C2CD5: variants seen among roughly 807,000 people sequenced by gnomAD.
C2CD5 encodes C2 calcium dependent domain containing 5, also known as C2 domain-containing protein 5.
Under a neutral mutation model 130.3 loss-of-function variants are expected in C2CD5, and 109 were observed. The ratio of observed to expected loss-of-function variants is 0.84; its 90% CI spans 0.72 to 0.98. C2CD5 has a LOEUF of 0.98. C2CD5 is among the 50% of genes least tolerant of loss of function. The pLI, the probability that C2CD5 is intolerant of heterozygous loss-of-function variation, is 0.00. For synonymous variants in C2CD5, 454 were observed against 429.2 expected (o/e 1.06, Z -0.71); for missense variants, 996 against 1,261.8 (o/e 0.79, Z 3.19).
At chr12:22,482,022 A>T (rs1354911585) in intron 14 of C2CD5, among the ~76,000 whole-genome samples, 2 of 152,050 alleles carry the variant, frequency 1.3e-5, no homozygotes, top group Non-Finnish European at 2.9e-5. Context: ...AGTGTCTCAC[A>T]TGTTTTGCTT....
intron 14 of C2CD5, 30 bp from the exon 15 acceptor site, chr12:22,478,507 A>G (rs1944207887): frequency 1.9e-6 from 3 of 1,581,506 alleles, no homozygotes; most frequent in African/African-American, 1.4e-5. Context: ...AAATAATCAG[A>G]AAAAATATCT....
intron 3 of C2CD5, among the ~76,000 whole-genome samples, chr12:22,532,905 G>T (rs1305729992): frequency 6.6e-6 from 1 of 152,192 alleles, no homozygotes; most frequent in Non-Finnish European, 1.5e-5. Flanking sequence ...AATAGCAGGG[G>T]AAGAAAAACC....
intron 3 of C2CD5, among the ~76,000 whole-genome samples, chr12:22,530,111 TACACAC>T (rs199603129): frequency 0.029 from 2,534 of 87,254 alleles, 43 homozygotes; most frequent in Non-Finnish European, 0.037. Flanking sequence ...TATATATATA[TACACAC>T]ACACACACAC....
At chr12:22,530,076 C>CTATATATATATATATATA (rs918605281) in intron 3 of C2CD5, among the ~76,000 whole-genome samples, 1 of 77,294 alleles carries the variant, frequency 1.3e-5, no homozygotes, top group Non-Finnish European at 2.5e-5. Context: ...TATTTGAGTG[C>CTATATATATATATATATA]TATATATATA....
At chr12:22,461,189 G>A (rs1472667708) in intron 22 of C2CD5, among the ~76,000 whole-genome samples, 1 of 152,190 alleles carries the variant, frequency 6.6e-6, no homozygotes, top group Non-Finnish European at 1.5e-5. Context: ...GAGAGACTGG[G>A]ACACCAACTG....
At chr12:22,478,629 TGA>T (rs1264087585) in intron 14 of C2CD5, 152 bp from the exon 15 acceptor site, 1 of 621,346 alleles carries the variant, frequency 1.6e-6, no homozygotes, top group African/African-American at 1.9e-5. Context: ...GCAGATCACT[TGA>T]GGTCAGGAGT....
chr12:22,526,020 T>C (rs1950685683), intron 4 of C2CD5, among the ~76,000 whole-genome samples: 1 of 152,222 alleles, frequency 6.6e-6, no homozygotes. Flanking sequence ...GTTGATTAGA[T>C]ATATTAAATG....
At chr12:22,474,352 A>C (rs866703549) in intron 16 of C2CD5, among the ~76,000 whole-genome samples, 1 of 141,260 alleles carries the variant, frequency 7.1e-6, no homozygotes, top group African/African-American at 3.2e-5. Flanking sequence ...GTAAGAAAAT[A>C]CTACACTCAG....
intron 7 of C2CD5, among the ~76,000 whole-genome samples, chr12:22,520,717 G>A (rs1010012717): frequency 3.9e-5 from 6 of 151,982 alleles, no homozygotes; most frequent in African/African-American, 9.7e-5. Context: ...AATTTGTCTC[G>A]TAGTACTTTT....
At chr12:22,493,462 T>G (rs1946617687) in intron 10 of C2CD5, 125 bp from the exon 11 acceptor site, 1 of 536,140 alleles carries the variant, frequency 1.9e-6, no homozygotes, top group Non-Finnish European at 3.3e-6. Flanking sequence ...TTTTTAAACT[T>G]CCCATCTTTA....
Position 22,453,991 on chromosome 12 carries a change from TTGCAAACACTTC to T in C2CD5, c.2917_2928del (p.Glu973_Ala976del). 6.2e-7 allele frequency: 1 copy of T among 1,613,712 alleles called. No individual in the cohort carries two copies. The highest frequency in any genetic ancestry group is 2.2e-5 in the East Asian group (1 of 44,834). On this transcript the variant is annotated inframe_deletion, in exon 26 of 27. Coordinates refer to ENST00000446597, the MANE Select transcript of C2CD5 (RefSeq NM_001286176.2). ...AATGCAGCAACATGAGCTCTCACCA[TTGCAAACACTTC>T]AGCAATAAAAGCATGGAGAAAACCA...
rs1373678413 is a variant in C2CD5 at position 22,539,918 on chromosome 12, A to G, written c.90+4143T>C. On this transcript the variant is annotated intron_variant, in intron 2 of 26. Coordinates refer to ENST00000446597, the MANE Select transcript of C2CD5 (RefSeq NM_001286176.2). ...GAGGCAGGAGAATCGCTTGAACCTG[A>G]GAGGCAGAGTTTACAGTGAGCTGAG... Among the ~76,000 whole-genome samples the G allele has an allele frequency of 3.7e-5, 5 of 136,020 alleles. No individual in the cohort carries two copies. The East Asian group carries it at 7.9e-4, about 22-fold the overall frequency. 89.2% of individuals were successfully genotyped at this position (136,020 alleles called of 152,430 possible).
chr12:22,513,669 T>A (rs78453664), intron 8 of C2CD5, among the ~76,000 whole-genome samples: 1 of 152,134 alleles, frequency 6.6e-6, no homozygotes, highest in Non-Finnish European at 1.5e-5. Context: ...TAATATTCCA[T>A]TTTAAAAGCT....
At chr12:22,539,860 G>A (rs1952180398) in intron 2 of C2CD5, among the ~76,000 whole-genome samples, 2 of 152,020 alleles carry the variant, frequency 1.3e-5, no homozygotes, top group South Asian at 4.1e-4. Context: ...CAGGCATGGT[G>A]GTGCACTGGT....
At chr12:22,485,606 T>G (rs533669579) in intron 12 of C2CD5, among the ~76,000 whole-genome samples, 2 of 152,264 alleles carry the variant, frequency 1.3e-5, no homozygotes, top group South Asian at 4.1e-4. Flanking sequence ...TTAACTTTTT[T>G]GAAAAACCAA....
intron 10 of C2CD5, among the ~76,000 whole-genome samples, chr12:22,498,458 T>C (rs1383905585): frequency 6.6e-6 from 1 of 152,204 alleles, no homozygotes; most frequent in Non-Finnish European, 1.5e-5. Flanking sequence ...TATCCCTATA[T>C]AATCAGCTGA....
intron 14 of C2CD5, among the ~76,000 whole-genome samples, chr12:22,481,910 G>T (rs1196995996): frequency 6.6e-6 from 1 of 151,214 alleles, no homozygotes; most frequent in Admixed American, 6.6e-5. Flanking sequence ...GGAATTATGG[G>T]TGTGAGCCAA....
At position 22,458,587 on chromosome 12, in the gene C2CD5, TGAAAACACAGACA is replaced by T; in HGVS notation, c.2585-15_2585-3del. 1 of 1,251,590 alleles carries T rather than the reference TGAAAACACAGACA, an allele frequency of 8.0e-7. No homozygotes were observed. The highest frequency in any genetic ancestry group is 1.0e-6 in the Non-Finnish European group (1 of 990,820). The allele number at this position is 1,251,590 out of a possible 1,614,324, so 77.5% of individuals were successfully genotyped here. A position where few individuals can be genotyped will look rare whatever the true frequency, so the allele number is the denominator to read the frequency against. Reference sequence around the variant, plus strand: ...AGGAACTGTAATCAACTGACGTTGCTGAAAACACAGACAGAAAACAAAAGAAAAAAACAAAGAA... The same window carrying T: ...AGGAACTGTAATCAACTGACGTTGCTGAAAACAAAAGAAAAAAACAAAGAA... On this transcript the variant is annotated splice_polypyrimidine_tract_variant and splice_region_variant and intron_variant, in intron 23 of 26. Coordinates refer to ENST00000446597, the MANE Select transcript of C2CD5 (RefSeq NM_001286176.2).
intron 8 of C2CD5, 71 bp downstream of exon 8, chr12:22,517,901 AGGAAAGATTTGGAT>A: frequency 8.7e-7 from 1 of 1,152,790 alleles, no homozygotes; most frequent in Admixed American, 2.4e-5. Flanking sequence ...CAAAAACAAG[AGGAAAGATTTGGAT>A]GGAAAGCTAA....
Sources: allele counts gnomAD v4.1 joint callset (sites outside exome capture counted in the v4.1 genomes callset), GRCh38; gene constraint gnomAD v4.1.1; transcripts MANE v1.5; gene names NCBI Gene and HGNC (gene_info 2026-07-23, HGNC 2026-07-21).